The following NRBP1 variants were observed in gnomAD, a reference collection of about 807,000 sequenced individuals.
NRBP1 encodes nuclear receptor binding protein 1.
NRBP1 carries 10 observed loss-of-function variants against 76.0 expected under a neutral mutation model. The observed-to-expected ratio is 0.13, with a 90% CI of 0.08 to 0.22. NRBP1 has a LOEUF of 0.22. NRBP1 is among the 10% of genes least tolerant of loss of function. NRBP1 has a pLI of 1.00. For missense variants in NRBP1, 344 were observed against 646.0 expected, an observed-to-expected ratio of 0.53 and a Z score of 5.07; for synonymous variants, 235 against 240.2, an observed-to-expected ratio of 0.98 and a Z score of 0.20.
Position 27,441,928 on chromosome 2 carries a change from A to G in NRBP1, c.*116A>G, listed in dbSNP as rs1664592920. 1.5e-6 allele frequency: 1 copy of G among 685,768 alleles called. No individual in the cohort carries two copies. Among genetic ancestry groups the G allele is most frequent in the African/African-American group, 1.8e-5 (1 of 55,970 alleles). The allele number at this position is 685,768 out of a possible 1,614,324, so 42.5% of individuals were successfully genotyped here. A position where few individuals can be genotyped will look rare whatever the true frequency, so the allele number is the denominator to read the frequency against. ...TGTGAAGCCCCTTCCCTCCTTTATT[A>G]TTCAGGAGGGCTGGGGGGGCTCCCT... is the stretch of plus-strand genomic sequence containing the variant. On this transcript the variant is annotated 3_prime_UTR_variant, in exon 18 of 18. Transcript: ENST00000379852.
intron 1 of NRBP1, among the ~76,000 whole-genome samples, chr2:27,430,765 T>G (rs527596627): frequency 7.3e-5 from 11 of 151,694 alleles, no homozygotes; most frequent in Non-Finnish European, 1.5e-4. Flanking sequence ...TGGCCCAGGG[T>G]ATCTCTTTCA....
intron 7 of NRBP1, 54 bp downstream of exon 7, chr2:27,435,281 G>C: frequency 6.7e-7 from 1 of 1,490,752 alleles, no homozygotes; most frequent in South Asian, 1.1e-5. Context: ...TGGGAACCAT[G>C]GGGGTAAGAT....
chr2:27,436,467 T>C, intron 7 of NRBP1: 1 of 386,280 alleles, frequency 2.6e-6, no homozygotes, highest in Non-Finnish European at 4.7e-6. Flanking sequence ...ACTTCATTGC[T>C]TCTAGACCAG....
In NRBP1 at chr2:27,441,838, T is replaced by C. The variant is rs753974931; in HGVS notation, c.*26T>C. On this transcript the variant is annotated 3_prime_UTR_variant, in exon 18 of 18. Transcript: ENST00000379852. ...AGCTCACTCGGGCCAGGCCCTGATCTGCGCTGTGGCTGTCCCTGGACGTGC... is the reference window on the plus strand; with the variant it reads ...AGCTCACTCGGGCCAGGCCCTGATCCGCGCTGTGGCTGTCCCTGGACGTGC... The C allele has an allele frequency of 1.7e-5, 24 of 1,452,228 alleles. No homozygotes were observed. The highest frequency in any genetic ancestry group is 2.1e-5 in the Non-Finnish European group (22 of 1,039,436). The allele number at this position is 1,452,228 out of a possible 1,614,324, so 90.0% of individuals were successfully genotyped here. A position where few individuals can be genotyped will look rare whatever the true frequency, so the allele number is the denominator to read the frequency against.
chr2:27,435,101 G>A lies in NRBP1; in HGVS notation c.567-32G>A, dbSNP rs1359388177. The A allele has an allele frequency of 5.3e-6, 8 of 1,499,262 alleles. No homozygotes were observed. The South Asian group carries it at 9.2e-5, about 17-fold the overall frequency. The allele number at this position is 1,499,262 out of a possible 1,614,324, so 92.9% of individuals were successfully genotyped here. ...GGTTCCCCCTGCCCTTAATTTCCCA[G>A]TGGCCCCTCTAACAGCCCAGTGCCC... On this transcript the variant is annotated intron_variant, in intron 6 of 17. Coordinates refer to ENST00000379852, the MANE Select transcript of NRBP1 (RefSeq NM_013392.4).
At chr2:27,433,824 G>C (rs772832988) in intron 3 of NRBP1, 29 bp downstream of exon 3, 10 of 1,613,780 alleles carry the variant, frequency 6.2e-6, no homozygotes, top group Middle Eastern at 3.3e-4. Context: ...GTGAAGCCTG[G>C]GGAATGTTGG....
chr2:27,432,798 A>G (rs1664156773), intron 1 of NRBP1, among the ~76,000 whole-genome samples: 1 of 152,092 alleles, frequency 6.6e-6, no homozygotes, highest in Non-Finnish European at 1.5e-5. Flanking sequence ...GCTGGTCTCA[A>G]ACACCTGGCC....
Position 27,433,983 on chromosome 2 carries a change from T to G in NRBP1, c.334-6T>G. On this transcript the variant is annotated splice_polypyrimidine_tract_variant and splice_region_variant and intron_variant, in intron 3 of 17. Transcript: ENST00000379852. Reference sequence around the variant, plus strand: ...TCTGTTATTCCACTGTCTCCCTTGCTTTCAGGAAAAGGTTCGTGCTGTGTT... The same window carrying G: ...TCTGTTATTCCACTGTCTCCCTTGCGTTCAGGAAAAGGTTCGTGCTGTGTT... The G allele has an allele frequency of 6.2e-7, 1 of 1,613,482 alleles. No homozygotes were observed. Among genetic ancestry groups the G allele is most frequent in the Non-Finnish European group, 8.5e-7 (1 of 1,179,530 alleles).
chr2:27,440,028 T>G, intron 11 of NRBP1, 130 bp downstream of exon 11: 1 of 755,934 alleles, frequency 1.3e-6, no homozygotes, highest in Admixed American at 3.7e-5. Context: ...TTTTTTTTTT[T>G]TTTGAGACAG....
At chr2:27,439,992 ATTCTTTTTTTTTTTTTTTT>A in intron 11 of NRBP1, 94 bp downstream of exon 11, 1 of 234,434 alleles carries the variant, frequency 4.3e-6, no homozygotes. Context: ...TTCCAAAGGG[ATTCTTTTTTTTTTTTTTTT>A]TTTTTTTTTT....
rs1380342218 is a variant in NRBP1 at position 27,442,021 on chromosome 2, A to G, written c.*209A>G. 1 of 565,718 alleles carries G rather than the reference A, an allele frequency of 1.8e-6. No homozygotes were observed. Among genetic ancestry groups the G allele is most frequent in the Non-Finnish European group, 3.1e-6 (1 of 321,302 alleles). The allele number at this position is 565,718 out of a possible 1,614,324, so 35.0% of individuals were successfully genotyped here. A position where few individuals can be genotyped will look rare whatever the true frequency, so the allele number is the denominator to read the frequency against. On this transcript the variant is annotated 3_prime_UTR_variant, in exon 18 of 18. Coordinates refer to ENST00000379852, the MANE Select transcript of NRBP1 (RefSeq NM_013392.4). ...TCTGCACTTTGTTTACTTGTTTTGCACAGACGTGGGCCTGGGCCTTCTCAG... is the reference window on the plus strand; with the variant it reads ...TCTGCACTTTGTTTACTTGTTTTGCGCAGACGTGGGCCTGGGCCTTCTCAG...
At chr2:27,437,430 C>T in intron 10 of NRBP1, 70 bp downstream of exon 10, 1 of 1,142,468 alleles carries the variant, frequency 8.8e-7, no homozygotes, top group South Asian at 1.3e-5. Flanking sequence ...TTCCTTTGTA[C>T]CCACTGGGTA....
Position 27,440,668 on chromosome 2 carries a change from G to A in NRBP1, c.1159G>A (p.Ala387Thr), listed in dbSNP as rs1664505604. The A allele has an allele frequency of 6.2e-6, 10 of 1,614,186 alleles. No individual in the cohort carries two copies. Among genetic ancestry groups the A allele is most frequent in the Non-Finnish European group, 7.6e-6 (9 of 1,180,038 alleles). ...CTCGTCCAGGTACTCTCAGTCACCA[G>A]CTCTGGAATTAGATAAATTCCTTGA... Reference protein sequence around the residue: ...PVQTLYSQSPALELDKFLEDV... With the variant: ...PVQTLYSQSPTLELDKFLEDV... The change falls in exon 13 of 18, where the codon GCT (alanine) becomes ACT (threonine). Residue 387 changes from alanine to threonine, a missense_variant. Physicochemically the swap from Ala to Thr is moderately conservative, Grantham distance 58 (BLOSUM62 0). Around this residue, in one of 3 missense-constraint regions of NRBP1, gnomAD observed 218 missense variants for 309.8 expected, o/e 0.70. Transcript: ENST00000379852.
rs1664323476 is a variant in NRBP1 at position 27,436,767 on chromosome 2, A to G, written c.676A>G (p.Ile226Val). ...IKIGSVAPDT[I>V]NNHVKTCREE... is the part of the protein sequence containing the mutation. Reference sequence around the variant, plus strand: ...CCTACTCCCAGTGGCTCCTGACACTATCAACAATCATGTGAAGACTTGTCG... The same window carrying G: ...CCTACTCCCAGTGGCTCCTGACACTGTCAACAATCATGTGAAGACTTGTCG... The change falls in exon 8 of 18, where the codon ATC becomes GTC. Residue 226 changes from isoleucine (I) to valine (V), a missense_variant. Coordinates refer to ENST00000379852, the MANE Select transcript of NRBP1 (RefSeq NM_013392.4). 6.2e-7 allele frequency: 1 copy of G among 1,613,928 alleles called. No homozygotes were observed. The highest frequency in any genetic ancestry group is 1.7e-5 in the Admixed American group (1 of 59,996).
At chr2:27,429,876 T>C (rs554384420) in intron 1 of NRBP1, among the ~76,000 whole-genome samples, 1 of 152,336 alleles carries the variant, frequency 6.6e-6, no homozygotes, top group African/African-American at 2.4e-5. Flanking sequence ...GTATTAGAAT[T>C]CTACTGTTAT....
chr2:27,442,194 T>C lies in NRBP1; in HGVS notation c.*382T>C. On this transcript the variant is annotated 3_prime_UTR_variant, in exon 18 of 18. Transcript: ENST00000379852. ...GGAGAGAAAGGTGGTGCTGCAGTGGTGGCCCTGGGGGGCCATTCGATTCGC... is the reference window on the plus strand; with the variant it reads ...GGAGAGAAAGGTGGTGCTGCAGTGGCGGCCCTGGGGGGCCATTCGATTCGC... 1.9e-6 allele frequency: 1 copy of C among 539,650 alleles called. No individual in the cohort carries two copies. Among genetic ancestry groups the C allele is most frequent in the South Asian group, 2.4e-5 (1 of 41,188 alleles). The allele number at this position is 539,650 out of a possible 1,614,324, so 33.4% of individuals were successfully genotyped here.
At chr2:27,438,516 G>A (rs1351319008) in intron 10 of NRBP1, among the ~76,000 whole-genome samples, 1 of 152,242 alleles carries the variant, frequency 6.6e-6, no homozygotes, top group African/African-American at 2.4e-5. Flanking sequence ...AAGAAGACTA[G>A]TGGGAAGTCA....
intron 9 of NRBP1, 49 bp from the exon 10 acceptor site, chr2:27,437,213 A>G: frequency 1.3e-6 from 2 of 1,578,964 alleles, no homozygotes; most frequent in South Asian, 2.2e-5. Context: ...TTGTGGGAGC[A>G]CTGAAGTTCT....
intron 1 of NRBP1, among the ~76,000 whole-genome samples, chr2:27,432,587 T>C (rs762911036): frequency 2.0e-5 from 3 of 152,026 alleles, no homozygotes; most frequent in Non-Finnish European, 4.4e-5. Context: ...TTTTTTTGTT[T>C]GTTTGTTTTT....
Sources: gnomAD v4.1 joint callset for allele counts (sites outside exome capture counted in the v4.1 genomes callset) on GRCh38, gnomAD v4.1.1 for gene constraint, gnomAD v4.1.1 regional missense constraint, MANE v1.5 for transcripts, NCBI Gene and HGNC (gene_info 2026-07-23, HGNC 2026-07-21) for gene names.